The following TAAR5 variants were observed in gnomAD, a reference collection of about 807,000 sequenced individuals.
TAAR5 encodes trace amine-associated receptor 5.
Under a neutral mutation model 21.1 loss-of-function variants are expected in TAAR5, and 27 were observed. That is an observed-to-expected ratio of 1.28 (90% CI 0.94 to 1.76). TAAR5 has a LOEUF of 1.76. Among genes scored for constraint, TAAR5 ranks in the 40% most tolerant of loss-of-function variants. The pLI is 0.00. For synonymous variants in TAAR5, 203 were observed against 167.5 expected, an observed-to-expected ratio of 1.21 and a Z score of -1.64; for missense variants, 495 against 405.6, an observed-to-expected ratio of 1.22 and a Z score of -1.89.
chr6:132,597,520 GA>G, the TAAR5 span, among the ~76,000 whole-genome samples: 1 of 152,112 alleles, frequency 6.6e-6, no homozygotes, highest in African/African-American at 2.4e-5. Context: ...ACAGAATAAA[GA>G]TTCCTTTTAT....
At chr6:132,607,958 CA>C in the TAAR5 span, among the ~76,000 whole-genome samples, 248 of 152,298 alleles carry the variant, frequency 1.6e-3, 1 homozygote, top group African/African-American at 5.8e-3. Context: ...AAATCTAGGC[CA>C]ACCTAGTCTG....
At chr6:132,593,610 T>A (rs987601627), upstream of TAAR5, among the ~76,000 whole-genome samples, 3 of 152,156 alleles carry the variant, frequency 2.0e-5, no homozygotes, top group African/African-American at 7.2e-5. Flanking sequence ...ATTGAGCTAA[T>A]GTTTGTGGAC....
chr6:132,593,572 A>G (rs1776935988), upstream of TAAR5, among the ~76,000 whole-genome samples: 1 of 152,184 alleles, frequency 6.6e-6, no homozygotes, highest in Non-Finnish European at 1.5e-5. Context: ...TAGCCTAGGA[A>G]GAGCATTTGG....
At position 132,589,570 on chromosome 6, in the gene TAAR5, C is replaced by T; in HGVS notation, c.117G>A (p.Leu39=). The T allele has an allele frequency of 1.2e-6, 2 of 1,613,790 alleles. No homozygotes were observed. Among genetic ancestry groups the T allele is most frequent in the East Asian group, 2.2e-5 (1 of 44,850 alleles). Residue 39 remains leucine, a synonymous_variant, in exon 1 of 1, where the codon CTG becomes CTA. Transcript: ENST00000258034. ...HTLGIQLVIY[L]ACAAGMLIIV... ...TAATCAGCATGCCTGCTGCACAGGC[C>T]AGGTAGATGACCAACTGGATGCCCA...
Position 132,588,740 on chromosome 6 carries a change from A to G in TAAR5, c.947T>C (p.Leu316Pro). The change falls in exon 1 of 1, where the codon CTG (leucine) becomes CCG (proline). Residue 316 changes from leucine to proline, a missense_variant. Transcript: ENST00000258034. ...GACCTTCTGGCTCAGTGTGAGTTTCAGTGCCTTCCGAAACCACTGGTAGGA... is the reference window on the plus strand; with the variant it reads ...GACCTTCTGGCTCAGTGTGAGTTTCGGTGCCTTCCGAAACCACTGGTAGGA... ...VFSYQWFRKA[L>P]KLTLSQKVFS... 1 of 1,614,080 alleles carries G rather than the reference A, an allele frequency of 6.2e-7. No homozygotes were observed. Among genetic ancestry groups the G allele is most frequent in the Non-Finnish European group, 8.5e-7 (1 of 1,179,992 alleles).
At chr6:132,602,779 C>CAAAAA in the TAAR5 span, among the ~76,000 whole-genome samples, 189 of 95,926 alleles carry the variant, frequency 2.0e-3, 3 homozygotes, top group African/African-American at 7.2e-3. Context: ...CTTTAGAAGT[C>CAAAAA]AAAAAAAAAA....
rs759231027 is a variant in TAAR5, at chr6:132,589,150, G to A, written c.537C>T (p.Leu179=). The A allele has an allele frequency of 3.7e-6, 6 of 1,611,052 alleles. No individual in the cohort carries two copies. The highest frequency in any genetic ancestry group is 4.2e-6 in the Non-Finnish European group (5 of 1,178,556). ...AAGGCATCTCTTCCAGCCACTGGCT[G>A]AGCCTTGTCTCTACCACATCTGTGT... The part of the protein sequence containing the change: ...FLYTDVVETR[L]SQWLEEMPCV... Residue 179 remains leucine (L), a synonymous_variant, in exon 1 of 1, where the codon CTC becomes CTT. Coordinates refer to ENST00000258034, the MANE Select transcript of TAAR5 (RefSeq NM_003967.3).
At chr6:132,590,144 T>C (rs1256941034), upstream of TAAR5, among the ~76,000 whole-genome samples, 2 of 152,216 alleles carry the variant, frequency 1.3e-5, no homozygotes, top group Admixed American at 1.3e-4. Flanking sequence ...AAGTGACCAA[T>C]TAATTCTTGT....
Position 132,588,782 on chromosome 6 carries a change from G to A in TAAR5, c.905C>T (p.Pro302Leu). The stretch of plus-strand genomic sequence containing the variant: ...CTGGTAGGAAAAGACATAGATGATG[G>A]GGTTGCAGGCTGAGTTGAAGTAAGC... ...WFAYFNSACN[P>L]IIYVFSYQWF... The change falls in exon 1 of 1, where the codon CCC (proline) becomes CTC (leucine). Residue 302 changes from proline to leucine, a missense_variant. Physicochemically the swap from Pro to Leu is moderately conservative, Grantham distance 98 (BLOSUM62 -3). Transcript: ENST00000258034. The A allele has an allele frequency of 2.5e-6, 4 of 1,614,060 alleles. No individual in the cohort carries two copies. Among genetic ancestry groups the A allele is most frequent in the Middle Eastern group, 1.6e-4 (1 of 6,062 alleles).
At chr6:132,597,626 G>A in the TAAR5 span, among the ~76,000 whole-genome samples, 1 of 152,166 alleles carries the variant, frequency 6.6e-6, no homozygotes, top group Non-Finnish European at 1.5e-5. Flanking sequence ...CTTTTTTCAT[G>A]GGATATTATT....
Position 132,588,712 on chromosome 6 carries a change from G to A in TAAR5, c.975C>T (p.Phe325=). The A allele has an allele frequency of 6.2e-7, 1 of 1,613,966 alleles. No homozygotes were observed. The highest frequency in any genetic ancestry group is 1.1e-5 in the South Asian group (1 of 91,060). ...ALKLTLSQKV[F]SPQTRTVDLY... ...AATCAACAGTGCGTGTCTGCGGTGA[G>A]AAGACCTTCTGGCTCAGTGTGAGTT... The change falls in exon 1 of 1, where the codon TTC becomes TTT. Residue 325 remains phenylalanine, a synonymous_variant. Coordinates refer to ENST00000258034, the MANE Select transcript of TAAR5 (RefSeq NM_003967.3).
At chr6:132,596,154 A>T in the TAAR5 span, among the ~76,000 whole-genome samples, 1 of 152,194 alleles carries the variant, frequency 6.6e-6, no homozygotes. Flanking sequence ...CCTTTCATTT[A>T]GCAGCTGTAT....
At chr6:132,600,010 T>G in the TAAR5 span, among the ~76,000 whole-genome samples, 1 of 152,086 alleles carries the variant, frequency 6.6e-6, no homozygotes, top group African/African-American at 2.4e-5. Context: ...AAAACCCTGA[T>G]GAGGTTACTA....
chr6:132,589,811 A>G, upstream of TAAR5: 1 of 788,646 alleles, frequency 1.3e-6, no homozygotes, highest in Non-Finnish European at 1.9e-6. Flanking sequence ...TGAAACGAAG[A>G]GGAAGAAACT....
upstream of TAAR5, among the ~76,000 whole-genome samples, chr6:132,590,954 A>G (rs775137494): frequency 7.9e-5 from 12 of 152,196 alleles, no homozygotes; most frequent in African/African-American, 2.4e-4. Context: ...AGTTGAGAAT[A>G]ATTGATCATG....
the TAAR5 span, among the ~76,000 whole-genome samples, chr6:132,605,507 C>T: frequency 6.6e-6 from 1 of 152,164 alleles, no homozygotes; most frequent in African/African-American, 2.4e-5. Context: ...ATTCTAACAG[C>T]CATGTGCCAA....
the TAAR5 span, among the ~76,000 whole-genome samples, chr6:132,607,453 T>C: frequency 1.5e-4 from 23 of 152,186 alleles, no homozygotes; most frequent in South Asian, 1.2e-3. Context: ...ATAGGTATTA[T>C]GGTGTCATGA....
chr6:132,601,260 A>AC, the TAAR5 span, among the ~76,000 whole-genome samples: 2 of 150,730 alleles, frequency 1.3e-5, no homozygotes, highest in African/African-American at 2.4e-5. Context: ...TCATACACTA[A>AC]CTAACAAATA....
the TAAR5 span, among the ~76,000 whole-genome samples, chr6:132,599,530 T>G: frequency 6.6e-6 from 1 of 151,964 alleles, no homozygotes; most frequent in East Asian, 1.9e-4. Context: ...GGTGTCACCA[T>G]GTTGGCCAGG....
Sources: allele counts gnomAD v4.1 joint callset (sites outside exome capture counted in the v4.1 genomes callset), GRCh38; gene constraint gnomAD v4.1.1; transcripts MANE v1.5; gene names NCBI Gene and HGNC (gene_info 2026-07-23, HGNC 2026-07-21).